ALDH3B1: variants seen among roughly 807,000 people sequenced by gnomAD.
ALDH3B1 encodes the protein aldehyde dehydrogenase 3 family member B1.
ALDH3B1 carries 37 observed loss-of-function variants against 46.2 expected under a neutral mutation model. The ratio of observed to expected loss-of-function variants is 0.80; its 90% confidence interval spans 0.62 to 1.05. ALDH3B1 has a LOEUF of 1.05. Among genes scored for constraint, ALDH3B1 ranks in the 50% least tolerant of loss-of-function variants. The pLI is 0.00. For missense variants in ALDH3B1, 603 were observed against 665.5 expected (o/e 0.91, Z 1.03); for synonymous variants, 283 against 281.0 (o/e 1.01, Z -0.07).
Position 68,018,600 on chromosome 11 carries a change from G to C in ALDH3B1, c.236G>C (p.Arg79Pro). Residue 79 changes from arginine to proline, a missense_variant, in exon 3 of 10, where the codon CGG becomes CCG. Transcript: ENST00000342456. ...GEVTLALRNL[R>P]AWMKDERVPK... ...GTCACCCTGGCCCTCAGGAACCTCC[G>C]GGCCTGGATGAAGGACGAGCGTGTG... 1.3e-6 allele frequency: 2 copies of C among 1,582,252 alleles called. No homozygotes were observed. Among genetic ancestry groups the C allele is most frequent in the South Asian group, 1.2e-5 (1 of 86,348 alleles).
chr11:68,018,797 A>C lies in ALDH3B1; in HGVS notation c.298A>C (p.Ile100Leu). 6.4e-7 allele frequency: 1 copy of C among 1,557,744 alleles called. No homozygotes were observed. Among genetic ancestry groups the C allele is most frequent in the Non-Finnish European group, 8.7e-7 (1 of 1,150,904 alleles). Residue 100 changes from isoleucine to leucine, a missense_variant, in exon 4 of 10, where the codon ATC (isoleucine) becomes CTC (leucine). Physicochemically the swap from Ile to Leu is conservative, Grantham distance 5. Coordinates refer to ENST00000342456, the MANE Select transcript of ALDH3B1 (RefSeq NM_000694.4). ...NLATQLDSAF[I>L]RKEPFGLVLI... ...GGCCACGCAGCTGGACTCCGCCTTC[A>C]TCCGGAAGGAGCCCTTTGGCCTGGT...
At chr11:68,021,373 G>T in intron 6 of ALDH3B1, 112 bp from the exon 7 acceptor site, 1 of 1,475,888 alleles carries the variant, frequency 6.8e-7, no homozygotes, top group Non-Finnish European at 9.1e-7. Flanking sequence ...CCAGGCGAGG[G>T]CTGCTGCCCG....
At chr11:68,014,174 A>G (rs1382077154) in intron 1 of ALDH3B1, among the ~76,000 whole-genome samples, 1 of 152,216 alleles carries the variant, frequency 6.6e-6, no homozygotes, top group Non-Finnish European at 1.5e-5. Flanking sequence ...GTAGGCACAG[A>G]GGGGCCTGCC....
chr11:68,026,106 T>A lies in ALDH3B1; in HGVS notation c.1214T>A (p.Val405Glu). The change falls in exon 9 of 10, where the codon GTG becomes GAG. Residue 405 changes from valine to glutamate, a missense_variant and splice_region_variant. Coordinates refer to ENST00000342456, the MANE Select transcript of ALDH3B1 (RefSeq NM_000694.4). ...MTLASLPFGG[V>E]GASGMGRYHG... ...CTGGCCAGCCTGCCTTTTGGAGGAG[T>A]GGGTAGGTGCCTGCTACCCTGCCCT... 6.2e-7 allele frequency: 1 copy of A among 1,600,454 alleles called. No homozygotes were observed. Among genetic ancestry groups the A allele is most frequent in the Non-Finnish European group, 8.5e-7 (1 of 1,173,578 alleles).
rs868314955 is a variant in ALDH3B1, at chr11:68,018,575, G to T, written c.211G>T (p.Val71Phe). 2 of 1,585,214 alleles carry T rather than the reference G, an allele frequency of 1.3e-6. No homozygotes were observed. The highest frequency in any genetic ancestry group is 1.2e-5 in the South Asian group (1 of 86,598). The change falls in exon 3 of 10, where the codon GTC (valine) becomes TTC (phenylalanine). Residue 71 changes from valine to phenylalanine, a missense_variant. Transcript: ENST00000342456. ...TGAGGTTGCCATCAGCCAGGGCGAG[G>T]TCACCCTGGCCCTCAGGAACCTCCG... ...VSEVAISQGE[V>F]TLALRNLRAW...
intron 7 of ALDH3B1, 128 bp downstream of exon 7, chr11:68,021,999 G>C: frequency 6.9e-7 from 1 of 1,451,494 alleles, no homozygotes; most frequent in Non-Finnish European, 9.2e-7. Flanking sequence ...CCGGCCTTGA[G>C]CCACAGCTCC....
chr11:68,023,938 G>A (rs961980405), intron 8 of ALDH3B1, among the ~76,000 whole-genome samples: 2 of 151,246 alleles, frequency 1.3e-5, no homozygotes, highest in Non-Finnish European at 2.9e-5. Context: ...CCAGCTGCTC[G>A]GGAGGCTGAG....
intron 9 of ALDH3B1, 136 bp downstream of exon 9, chr11:68,026,244 C>G (rs775506064): frequency 2.9e-6 from 2 of 687,472 alleles, no homozygotes; most frequent in South Asian, 4.5e-5. Context: ...CCCCAGAACC[C>G]GCATCCTGCT....
intron 1 of ALDH3B1, chr11:68,014,955 G>T: frequency 3.8e-6 from 1 of 264,424 alleles, no homozygotes; most frequent in South Asian, 1.4e-4. Flanking sequence ...GAAGAAGCAT[G>T]GCGCTCTGCC....
chr11:68,028,246 C>T lies in ALDH3B1; in HGVS notation c.*307C>T, dbSNP rs1854631831. 1 of 552,016 alleles carries T rather than the reference C, an allele frequency of 1.8e-6. No individual in the cohort carries two copies. The highest frequency in any genetic ancestry group is 3.4e-6 in the Non-Finnish European group (1 of 290,946). The allele number at this position is 552,016 out of a possible 1,614,324, so 34.2% of individuals were successfully genotyped here. ...GGACAGACACGGCACCTCTGAGTCA[C>T]CCCTCTCCTGTGGAGCGGGCGTCCG... On this transcript the variant is annotated 3_prime_UTR_variant, in exon 10 of 10. Coordinates refer to ENST00000342456, the MANE Select transcript of ALDH3B1 (RefSeq NM_000694.4).
At chr11:68,025,786 G>A (rs1423479838) in intron 8 of ALDH3B1, among the ~76,000 whole-genome samples, 3 of 152,176 alleles carry the variant, frequency 2.0e-5, no homozygotes. Flanking sequence ...CCACACATGA[G>A]CAGATGTCCA....
chr11:68,026,947 C>A (rs1357154774), intron 9 of ALDH3B1, among the ~76,000 whole-genome samples: 1 of 152,150 alleles, frequency 6.6e-6, no homozygotes, highest in Non-Finnish European at 1.5e-5. Flanking sequence ...CCAGCCTCCT[C>A]AACCCGCCTC....
intron 6 of ALDH3B1, among the ~76,000 whole-genome samples, chr11:68,020,544 T>C (rs1221223925): frequency 6.6e-5 from 10 of 152,166 alleles, no homozygotes; most frequent in Admixed American, 6.5e-4. Context: ...TTCGAGTTTT[T>C]GAGCTAGGGA....
In ALDH3B1 at chr11:68,028,138, T is replaced by C. The variant is rs768703170; in HGVS notation, c.*199T>C. 1.2e-6 allele frequency: 1 copy of C among 801,988 alleles called. No homozygotes were observed. 49.7% of individuals were successfully genotyped at this position (801,988 alleles called of 1,614,324 possible). ...CTCCTCCCTCAGCCGCTCCCAACCA[T>C]GAGAGCCGAGGTGGGAGGCATGGGA... is the stretch of plus-strand genomic sequence containing the variant. On this transcript the variant is annotated 3_prime_UTR_variant, in exon 10 of 10. Coordinates refer to ENST00000342456, the MANE Select transcript of ALDH3B1 (RefSeq NM_000694.4).
At chr11:68,017,692 C>T (rs1857381852) in intron 2 of ALDH3B1, 1 of 152,294 alleles carries the variant, frequency 6.6e-6, no homozygotes, top group African/African-American at 2.4e-5. Context: ...GGCCCTGGCC[C>T]CTGGGCTGTG....
chr11:68,009,798 C>G (rs1392699396), upstream of ALDH3B1, among the ~76,000 whole-genome samples: 1 of 152,012 alleles, frequency 6.6e-6, no homozygotes, highest in African/African-American at 2.4e-5. Context: ...AACTTTTTGC[C>G]TTCTCTCTTT....
chr11:68,025,491 C>T (rs1474288791), intron 8 of ALDH3B1, among the ~76,000 whole-genome samples: 1 of 152,176 alleles, frequency 6.6e-6, no homozygotes, highest in Admixed American at 6.5e-5. Context: ...AAGGGCCAAG[C>T]TTCTGTTTCT....
chr11:68,018,812 T>C lies in ALDH3B1; in HGVS notation c.313T>C (p.Phe105Leu). Residue 105 changes from phenylalanine (F) to leucine (L), a missense_variant, in exon 4 of 10, where the codon TTT becomes CTT. By Grantham distance (22) the Phe-to-Leu change is conservative. Transcript: ENST00000342456. ...LDSAFIRKEP[F>L]GLVLIIAPWN... ...CTCCGCCTTCATCCGGAAGGAGCCCTTTGGCCTGGTCCTCATCATTGCGCC... is the reference window on the plus strand; with the variant it reads ...CTCCGCCTTCATCCGGAAGGAGCCCCTTGGCCTGGTCCTCATCATTGCGCC... The C allele has an allele frequency of 2.6e-6, 4 of 1,562,882 alleles. No homozygotes were observed. In the East Asian group the frequency reaches 9.6e-5, roughly 38 times the overall value.
Position 68,028,337 on chromosome 11 carries a change from C to T in ALDH3B1, c.*398C>T, listed in dbSNP as rs554283866. 176 of 370,438 alleles carry T rather than the reference C, an allele frequency of 4.8e-4. 1 individual carries two copies. Among genetic ancestry groups the T allele is most frequent in the African/African-American group, 3.5e-3 (169 of 47,612 alleles). 22.9% of individuals were successfully genotyped at this position (370,438 alleles called of 1,614,324 possible). A position where few individuals can be genotyped will look rare whatever the true frequency, so the allele number is the denominator to read the frequency against. On this transcript the variant is annotated 3_prime_UTR_variant, in exon 10 of 10. Transcript: ENST00000342456. Reference sequence around the variant, plus strand: ...CTGCATCCAAGGCCATTCCTGCCCTCTCTGAGTCTCAGTTTTTCCATTTGT... The same window carrying T: ...CTGCATCCAAGGCCATTCCTGCCCTTTCTGAGTCTCAGTTTTTCCATTTGT...
Sources: gnomAD v4.1 joint callset for allele counts (sites outside exome capture counted in the v4.1 genomes callset) on GRCh38, gnomAD v4.1.1 for gene constraint, MANE v1.5 for transcripts, NCBI Gene and HGNC (gene_info 2026-07-23, HGNC 2026-07-21) for gene names.